Variants in USP54 observed in about 807,000 individuals in gnomAD.
The protein encoded by USP54 is ubiquitin carboxyl-terminal hydrolase 54.
In USP54, 87 loss-of-function variants were observed where a neutral mutation model predicts 170.5. The ratio of observed to expected loss-of-function variants is 0.51; its 90% CI spans 0.43 to 0.61. The LOEUF (loss-of-function observed/expected upper bound fraction) is 0.61, where lower values mean the gene tolerates loss of function less well. USP54 is among the 20% of genes least tolerant of loss of function. USP54 has a pLI of 0.00. For synonymous variants in USP54, 655 were observed against 742.8 expected (o/e 0.88, Z 1.92); for missense variants, 1,786 against 2,047.8 (o/e 0.87, Z 2.47).
intron 1 of USP54, among the ~76,000 whole-genome samples, chr10:73,614,556 G>A (rs1429758894): frequency 9.3e-6 from 1 of 107,594 alleles, no homozygotes; most frequent in Non-Finnish European, 1.7e-5. Flanking sequence ...GTGAGACTCC[G>A]TCTCCAAAAA....
rs2067622075 is a variant in USP54, at chr10:73,545,639, T to C, written c.274A>G (p.Lys92Glu). ...CGGAGAGTGTCAGATGGAAGCACTTTTTCACTACTACACTGAAACTGGTTA... is the reference window on the plus strand; with the variant it reads ...CGGAGAGTGTCAGATGGAAGCACTTCTTCACTACTACACTGAAACTGGTTA... ...IFNQFQCSSE[K>E]VLPSDTLRSA... Residue 92 changes from lysine to glutamate, a missense_variant, in exon 5 of 24, where the codon AAA (lysine) becomes GAA (glutamate). By Grantham distance (56) the Lys-to-Glu change is moderately conservative. Coordinates refer to ENST00000687698, the MANE Select transcript of USP54 (RefSeq NM_001391956.1). 6.2e-7 allele frequency: 1 copy of C among 1,614,060 alleles called. No homozygotes were observed. Among genetic ancestry groups the C allele is most frequent in the Non-Finnish European group, 8.5e-7 (1 of 1,180,016 alleles).
At chr10:73,526,399 C>T (rs191657088) in intron 16 of USP54, among the ~76,000 whole-genome samples, 118 of 152,198 alleles carry the variant, frequency 7.8e-4, no homozygotes, top group African/African-American at 2.6e-3. Flanking sequence ...AGGTGCACGC[C>T]GCTACGCTGG....
chr10:73,508,700 C>T (rs2059642767), intron 20 of USP54, among the ~76,000 whole-genome samples: 1 of 151,136 alleles, frequency 6.6e-6, no homozygotes, highest in East Asian at 1.9e-4. Context: ...CAGAGTCTCC[C>T]TCTGTTGCCC....
In USP54 at chr10:73,500,764, A is replaced by G; in HGVS notation, c.4386T>C (p.His1462=). Reference sequence around the variant, plus strand: ...GACCGAGGAGAAACACAGAAGGGTCATGGATGACAGGGAGGGAAGAGGAGC... The same window carrying G: ...GACCGAGGAGAAACACAGAAGGGTCGTGGATGACAGGGAGGGAAGAGGAGC... ...CSSSSSLPVI[H]DPSVFLLGPQ... Residue 1462 remains histidine, a synonymous_variant, in exon 23 of 24, where the codon CAT becomes CAC. Coordinates refer to ENST00000687698, the MANE Select transcript of USP54 (RefSeq NM_001391956.1). The G allele has an allele frequency of 1.2e-5, 20 of 1,602,892 alleles. No individual in the cohort carries two copies. Among genetic ancestry groups the G allele is most frequent in the Non-Finnish European group, 1.7e-5 (20 of 1,176,030 alleles).
intron 22 of USP54, chr10:73,504,130 T>A (rs1368596293): frequency 6.6e-6 from 1 of 152,308 alleles, no homozygotes; most frequent in Non-Finnish European, 1.5e-5. Context: ...TACCTTTTTA[T>A]TTTTGTACCA....
chr10:73,589,973 T>C (rs911489545), intron 1 of USP54, among the ~76,000 whole-genome samples: 4 of 152,162 alleles, frequency 2.6e-5, no homozygotes, highest in African/African-American at 9.7e-5. Flanking sequence ...CCACTTACAA[T>C]TGAGTGACCT....
chr10:73,569,646 G>C (rs1018919406), intron 4 of USP54, among the ~76,000 whole-genome samples: 2 of 151,324 alleles, frequency 1.3e-5, no homozygotes, highest in African/African-American at 4.9e-5. Context: ...CCAGCTACTC[G>C]GGAGGTTGAG....
intron 3 of USP54, among the ~76,000 whole-genome samples, chr10:73,572,513 C>T (rs986994405): frequency 3.3e-5 from 5 of 152,118 alleles, no homozygotes; most frequent in African/African-American, 9.7e-5. Flanking sequence ...AGCACACCTC[C>T]GGAGCTTCTT....
At chr10:73,507,954 G>A (rs961674874) in intron 20 of USP54, among the ~76,000 whole-genome samples, 8 of 152,070 alleles carry the variant, frequency 5.3e-5, no homozygotes, top group African/African-American at 1.4e-4. Context: ...TTGTGCCACC[G>A]TACTCCAGCC....
chr10:73,588,687 G>A (rs2132194209), intron 1 of USP54, among the ~76,000 whole-genome samples: 1 of 152,280 alleles, frequency 6.6e-6, no homozygotes, highest in Admixed American at 6.5e-5. Flanking sequence ...ACAAAATACA[G>A]CCAAAACTCT....
At chr10:73,523,896 T>TG (rs2062386110) in intron 16 of USP54, 146 bp from the exon 17 acceptor site, 1 of 238,640 alleles carries the variant, frequency 4.2e-6, no homozygotes, top group African/African-American at 2.9e-5. Flanking sequence ...ATTATTATTA[T>TG]TATTATTATT....
At chr10:73,529,578 A>T (rs1180560744) in intron 15 of USP54, 102 bp downstream of exon 15, 1 of 1,311,962 alleles carries the variant, frequency 7.6e-7, no homozygotes, top group Admixed American at 1.7e-5. Flanking sequence ...AGATAATAGC[A>T]AAGGCCATCC....
intron 20 of USP54, among the ~76,000 whole-genome samples, chr10:73,508,173 G>A (rs1024012422): frequency 3.3e-5 from 5 of 152,088 alleles, no homozygotes; most frequent in East Asian, 1.9e-4. Flanking sequence ...TTTGGGAGGC[G>A]AGGCGGGTGG....
Position 73,541,407 on chromosome 10 carries a change from G to C in USP54, c.793C>G (p.His265Asp), listed in dbSNP as rs775060403. Residue 265 changes from histidine (H) to aspartate (D), a missense_variant, in exon 9 of 24, where the codon CAC becomes GAC. By Grantham distance (81) the His-to-Asp change is moderately conservative. Transcript: ENST00000687698. Reference sequence around the variant, plus strand: ...AGCTTAAGGCAGGTTCCCAGGCTGTGGATAACATCTTCTGCTAAGTCTGAG... The same window carrying C: ...AGCTTAAGGCAGGTTCCCAGGCTGTCGATAACATCTTCTGCTAAGTCTGAG... ...DHSDLAEDVI[H>D]SLGTCLKLGD... 6.2e-7 allele frequency: 1 copy of C among 1,614,130 alleles called. No homozygotes were observed. Among genetic ancestry groups the C allele is most frequent in the South Asian group, 1.1e-5 (1 of 91,078 alleles).
Position 73,517,196 on chromosome 10 carries a change from G to A in USP54, c.3230C>T (p.Pro1077Leu). The stretch of plus-strand genomic sequence containing the variant: ...GTGAAGCACAAATGAAGAAGCAACA[G>A]GCATTATGGGGTGGCAGGTTCTATA... Reference protein sequence around the residue: ...PLYRTCHPIMPVASSFVLHCP... With the variant: ...PLYRTCHPIMLVASSFVLHCP... Residue 1077 changes from proline (P) to leucine (L), a missense_variant, in exon 20 of 24, where the codon CCT (proline) becomes CTT (leucine). Physicochemically the swap from Pro to Leu is moderately conservative, Grantham distance 98. Transcript: ENST00000687698. The A allele has an allele frequency of 6.2e-7, 1 of 1,614,224 alleles. No homozygotes were observed. The highest frequency in any genetic ancestry group is 1.6e-4 in the Middle Eastern group (1 of 6,062).
At chr10:73,553,421 A>C (rs545432951) in intron 4 of USP54, 1 of 152,390 alleles carries the variant, frequency 6.6e-6, no homozygotes, top group African/African-American at 2.4e-5. Flanking sequence ...AAGCTGTAGC[A>C]CAAAGCCCCT....
chr10:73,543,679 T>C (rs2067121492), intron 5 of USP54, among the ~76,000 whole-genome samples: 1 of 152,078 alleles, frequency 6.6e-6, no homozygotes, highest in African/African-American at 2.4e-5. Context: ...CTTTGATAAC[T>C]GTATCAGGAA....
At chr10:73,610,286 A>T (rs2080033593) in intron 1 of USP54, among the ~76,000 whole-genome samples, 1 of 152,194 alleles carries the variant, frequency 6.6e-6, no homozygotes, top group South Asian at 2.1e-4. Flanking sequence ...TTCTTCCAAG[A>T]CTTAATAATT....
chr10:73,620,303 A>T (rs1293746221), intron 1 of USP54, among the ~76,000 whole-genome samples: 1 of 144,864 alleles, frequency 6.9e-6, no homozygotes, highest in African/African-American at 2.8e-5. Context: ...ACAGAGCGAG[A>T]CTCCATCTCA....
Sources: gnomAD v4.1 joint callset for allele counts (sites outside exome capture counted in the v4.1 genomes callset) on GRCh38, gnomAD v4.1.1 for gene constraint, MANE v1.5 for transcripts, NCBI Gene and HGNC (gene_info 2026-07-23, HGNC 2026-07-21) for gene names.